Variants in PTPRD observed in about 807,000 individuals in gnomAD.
The protein encoded by PTPRD is receptor-type tyrosine-protein phosphatase delta.
Under a neutral mutation model 214.5 loss-of-function variants are expected in PTPRD, and 34 were observed. That is an observed-to-expected ratio of 0.16 (90% CI 0.12 to 0.21). The LOEUF is 0.21. Among genes scored for constraint, PTPRD ranks in the 10% least tolerant of loss-of-function variants. The pLI, the probability that PTPRD is intolerant of heterozygous loss-of-function variation, is 1.00. For missense variants in PTPRD, 2,545 were observed against 2,398.7 expected (o/e 1.06, Z -1.27); for synonymous variants, 1,128 against 845.7 (o/e 1.33, Z -5.79).
At chr9:9,308,096 A>C (rs1413999876) in intron 9 of PTPRD, among the ~76,000 whole-genome samples, 1 of 152,162 alleles carries the variant, frequency 6.6e-6, no homozygotes, top group Non-Finnish European at 1.5e-5. Flanking sequence ...TGAAAAAGAG[A>C]ATGTATAACT....
At chr9:9,490,016 C>A (rs2095833346) in intron 8 of PTPRD, among the ~76,000 whole-genome samples, 1 of 151,952 alleles carries the variant, frequency 6.6e-6, no homozygotes. Flanking sequence ...AAGAGAAAAG[C>A]AACTTGCCAC....
chr9:8,892,188 T>G (rs964703374), intron 11 of PTPRD, among the ~76,000 whole-genome samples: 1 of 152,160 alleles, frequency 6.6e-6, no homozygotes, highest in African/African-American at 2.4e-5. Context: ...CACGCTGCTT[T>G]TCCTCAGCTT....
At chr9:9,346,546 C>T (rs184773578) in intron 9 of PTPRD, among the ~76,000 whole-genome samples, 137 of 152,056 alleles carry the variant, frequency 9.0e-4, no homozygotes, top group Non-Finnish European at 1.6e-3. Context: ...TATTTAAAGC[C>T]ACTTACAAAT....
intron 14 of PTPRD, among the ~76,000 whole-genome samples, chr9:8,548,187 T>C (rs2080835169): frequency 1.3e-5 from 2 of 152,130 alleles, no homozygotes; most frequent in South Asian, 4.1e-4. Flanking sequence ...ATTAAATAAG[T>C]GCGAGGTGGA....
chr9:8,634,887 G>T (rs944900504), intron 13 of PTPRD, among the ~76,000 whole-genome samples: 2 of 151,538 alleles, frequency 1.3e-5, no homozygotes, highest in African/African-American at 4.8e-5. Flanking sequence ...TTACACGCCA[G>T]TGATGTAATT....
At position 8,771,070 on chromosome 9, in the gene PTPRD, A is replaced by G. The variant is rs575862888; in HGVS notation, c.-103-37124T>C. On this transcript the variant is annotated intron_variant, in intron 11 of 45. Coordinates refer to ENST00000381196, the MANE Select transcript of PTPRD (RefSeq NM_002839.4). ...GTGGCGGGCACCTGTAGTCCCAGCT[A>G]CTTGGGAGGCTGAGGCAGGAGAATG... Among the ~76,000 whole-genome samples the G allele has an allele frequency of 1.3e-4, 20 of 151,856 alleles. No homozygotes were observed. The South Asian group carries it at 3.3e-3, about 25-fold the overall frequency.
At chr9:8,357,742 T>C (rs534140953) in intron 39 of PTPRD, among the ~76,000 whole-genome samples, 2 of 152,284 alleles carry the variant, frequency 1.3e-5, no homozygotes, top group South Asian at 2.1e-4. Context: ...GAGGAAGATA[T>C]TGGGAATAGG....
At chr9:10,372,394 G>A (rs2097644884) in intron 2 of PTPRD, among the ~76,000 whole-genome samples, 1 of 151,974 alleles carries the variant, frequency 6.6e-6, no homozygotes, top group Admixed American at 6.6e-5. Context: ...GGAAGTTTTT[G>A]CTTAGATATT....
intron 2 of PTPRD, among the ~76,000 whole-genome samples, chr9:10,389,617 TA>T (rs1253418024): frequency 2.6e-5 from 4 of 151,826 alleles, no homozygotes; most frequent in African/African-American, 9.7e-5. Flanking sequence ...GTAATGCAGA[TA>T]AATAAATCCA....
At chr9:9,851,123 A>C (rs976339424) in intron 5 of PTPRD, among the ~76,000 whole-genome samples, 9 of 152,334 alleles carry the variant, frequency 5.9e-5, no homozygotes, top group Admixed American at 3.3e-4. Context: ...GTGAAGTTAA[A>C]GTACAGTGCT....
chr9:9,954,297 C>CAAAAAAAAAA (rs781628679), intron 4 of PTPRD, among the ~76,000 whole-genome samples: 6 of 53,770 alleles, frequency 1.1e-4, no homozygotes, highest in Admixed American at 1.9e-4. Context: ...TGTCTCAAAA[C>CAAAAAAAAAA]AAAAAAAAAA....
At chr9:10,257,374 C>G (rs760556768) in intron 3 of PTPRD, among the ~76,000 whole-genome samples, 3 of 152,144 alleles carry the variant, frequency 2.0e-5, no homozygotes, top group Non-Finnish European at 4.4e-5. Flanking sequence ...TAGAGAAAGG[C>G]TCCCAGGGGC....
chr9:10,255,617 A>T (rs368404461), intron 3 of PTPRD, among the ~76,000 whole-genome samples: 23,891 of 152,128 alleles, frequency 0.16, 1,987 homozygotes, highest in African/African-American at 0.2. Flanking sequence ...AAATGTATAC[A>T]AAAATATTTT....
At chr9:8,554,508 G>C (rs369845531) in intron 14 of PTPRD, among the ~76,000 whole-genome samples, 1 of 152,062 alleles carries the variant, frequency 6.6e-6, no homozygotes, top group Admixed American at 6.6e-5. Flanking sequence ...AACACAGAGA[G>C]GTATATGATC....
In PTPRD at chr9:9,098,349, T is replaced by A. The variant is rs1481216207; in HGVS notation, c.-142-79614A>T. On this transcript the variant is annotated intron_variant, in intron 10 of 45. Coordinates refer to ENST00000381196, the MANE Select transcript of PTPRD (RefSeq NM_002839.4). ...TTGGCTCACTGCAGCCTCCGTCTACTGGGTTCAAGTGATTCTCCTGCCTCA... is the reference window on the plus strand; with the variant it reads ...TTGGCTCACTGCAGCCTCCGTCTACAGGGTTCAAGTGATTCTCCTGCCTCA... 2.0e-5 allele frequency among the ~76,000 whole-genome samples: 3 copies of A among 152,230 alleles called. No homozygotes were observed. In the East Asian group the frequency reaches 5.8e-4, roughly 29 times the overall value.
At chr9:8,765,266 T>A (rs561905397) in intron 11 of PTPRD, among the ~76,000 whole-genome samples, 2 of 152,312 alleles carry the variant, frequency 1.3e-5, no homozygotes, top group East Asian at 3.9e-4. Flanking sequence ...AGTGACTGCT[T>A]CCAGCAAACA....
chr9:8,641,784 G>T (rs1003758396), intron 12 of PTPRD, among the ~76,000 whole-genome samples: 1 of 152,164 alleles, frequency 6.6e-6, no homozygotes, highest in Non-Finnish European at 1.5e-5. Context: ...TTGCTTTTAA[G>T]AAGTTAGATT....
intron 7 of PTPRD, among the ~76,000 whole-genome samples, chr9:9,716,344 T>G (rs921277224): frequency 9.2e-5 from 14 of 151,554 alleles, no homozygotes; most frequent in African/African-American, 3.2e-4. Flanking sequence ...AGCAGCATGA[T>G]TTATAGTCCT....
chr9:10,522,807 G>C (rs568832930), intron 2 of PTPRD, among the ~76,000 whole-genome samples: 1 of 152,078 alleles, frequency 6.6e-6, no homozygotes, highest in African/African-American at 2.4e-5. Flanking sequence ...GCACAGTAAA[G>C]CTGAACTTTT....
Sources: allele counts gnomAD v4.1 joint callset (sites outside exome capture counted in the v4.1 genomes callset), GRCh38; gene constraint gnomAD v4.1.1; transcripts MANE v1.5; gene names NCBI Gene and HGNC (gene_info 2026-07-23, HGNC 2026-07-21).